Variants in PARD3B observed in about 807,000 individuals in gnomAD.
PARD3B encodes par-3 family cell polarity regulator beta.
A neutral mutation model predicts 130.2 loss-of-function variants in PARD3B; 103 were observed. The ratio of observed to expected loss-of-function variants is 0.79; its 90% CI spans 0.67 to 0.93. PARD3B has a LOEUF of 0.93. PARD3B is among the 40% of genes least tolerant of loss of function. The probability of loss-of-function intolerance (pLI) is 0.00; values close to 1 mark genes in which losing one functional copy is unlikely to be tolerated. For missense variants in PARD3B, 1,609 were observed against 1,499.2 expected (o/e 1.07, Z -1.21); for synonymous variants, 583 against 553.2 (o/e 1.05, Z -0.76).
intron 2 of PARD3B, among the ~76,000 whole-genome samples, chr2:204,722,037 C>A (rs565973117): frequency 6.6e-6 from 1 of 152,052 alleles, no homozygotes; most frequent in Non-Finnish European, 1.5e-5. Context: ...AAAAATGATA[C>A]CTCTGTTAGA....
At chr2:204,963,687 G>A (rs1311924010) in intron 2 of PARD3B, among the ~76,000 whole-genome samples, 3 of 152,032 alleles carry the variant, frequency 2.0e-5, no homozygotes, top group Admixed American at 6.6e-5. Context: ...GAAAGATATC[G>A]TTCTACTGAT....
rs1553500339 is a variant in PARD3B, at chr2:205,383,113, T to TAGATAGATAGATAGATAGATAGATAGAG, written c.2631-17873_2631-17872insGAGATAGATAGATAGATAGATAGATAGA. ...ATAGATAGATAGATAGATAGATAGA[T>TAGATAGATAGATAGATAGATAGATAGAG]AGATAGATAGATAGATAGATAGATA... is the stretch of plus-strand genomic sequence containing the variant. On this transcript the variant is annotated intron_variant, in intron 18 of 22. Coordinates refer to ENST00000406610, the MANE Select transcript of PARD3B (RefSeq NM_001302769.2). 3.1e-3 allele frequency among the ~76,000 whole-genome samples: 466 copies of TAGATAGATAGATAGATAGATAGATAGAG among 149,520 alleles called. 4 individuals carry two copies. Among genetic ancestry groups the TAGATAGATAGATAGATAGATAGATAGAG allele is most frequent in the South Asian group, 6.4e-3 (30 of 4,664 alleles).
intron 1 of PARD3B, 28 bp downstream of exon 1, chr2:204,546,147 C>T (rs1349556279): frequency 1.9e-6 from 3 of 1,549,676 alleles, no homozygotes; most frequent in East Asian, 4.9e-5. Flanking sequence ...GAGTGGGGCG[C>T]GGCTGCAGCC....
intron 20 of PARD3B, among the ~76,000 whole-genome samples, chr2:205,466,607 T>G (rs964488206): frequency 6.6e-6 from 1 of 152,228 alleles, no homozygotes; most frequent in Non-Finnish European, 1.5e-5. Flanking sequence ...TGTACCCCAT[T>G]CACTTAAGAG....
rs571469353 is a variant in PARD3B at position 204,927,294 on chromosome 2, A to T, written c.223-37858A>T. 6.6e-5 allele frequency among the ~76,000 whole-genome samples: 10 copies of T among 152,206 alleles called. No individual in the cohort carries two copies. The East Asian group carries it at 1.9e-3, about 30-fold the overall frequency. The stretch of plus-strand genomic sequence containing the variant: ...GGGGAGGTGATTAAGTCATGAGGGC[A>T]AAGCCCTCATGAATAGGATTAGTGC... On this transcript the variant is annotated intron_variant, in intron 2 of 22. Coordinates refer to ENST00000406610, the MANE Select transcript of PARD3B (RefSeq NM_001302769.2).
chr2:205,599,295 A>C (rs1210339734), intron 22 of PARD3B, among the ~76,000 whole-genome samples: 2 of 152,200 alleles, frequency 1.3e-5, no homozygotes, highest in Admixed American at 1.3e-4. Context: ...GCACATGCAA[A>C]AAGCTCTTAC....
chr2:205,334,846 A>G lies in PARD3B; in HGVS notation c.2630+33145A>G, dbSNP rs967187789. Among the ~76,000 whole-genome samples the G allele has an allele frequency of 3.3e-5, 5 of 152,246 alleles. 1 individual carries two copies. The highest frequency in any genetic ancestry group is 7.3e-5 in the Non-Finnish European group (5 of 68,040). On this transcript the variant is annotated intron_variant, in intron 18 of 22. Transcript: ENST00000406610. ...TGAAGGACAAAGCATAAGTGAGAAC[A>G]AACTACATCAAGTAATTCTTTCCTC...
rs142924852 is a variant in PARD3B, at chr2:205,033,059, C to T, written c.395-14522C>T. On this transcript the variant is annotated intron_variant, in intron 3 of 22. Transcript: ENST00000406610. Reference sequence around the variant, plus strand: ...AAAGAGCTCTTGAAGTATTCTTTTACAGGCTGTTCTCAACTCACTGGGGGC... The same window carrying T: ...AAAGAGCTCTTGAAGTATTCTTTTATAGGCTGTTCTCAACTCACTGGGGGC... Among the ~76,000 whole-genome samples the T allele has an allele frequency of 3.4e-3, 511 of 152,268 alleles. 3 individuals carry two copies. Among genetic ancestry groups the T allele is most frequent in the African/African-American group, 0.012 (478 of 41,556 alleles).
At chr2:205,193,379 C>A in intron 15 of PARD3B, 59 bp downstream of exon 15, 1 of 1,296,896 alleles carries the variant, frequency 7.7e-7, no homozygotes, top group Non-Finnish European at 1.1e-6. Flanking sequence ...ATTTATCTTC[C>A]CAAATGTCCT....
In PARD3B at chr2:205,078,676, C is replaced by G. The variant is rs980962787; in HGVS notation, c.505-25750C>G. Among the ~76,000 whole-genome samples, 1 of 152,170 alleles carries G rather than the reference C, an allele frequency of 6.6e-6. No homozygotes were observed. Among genetic ancestry groups the G allele is most frequent in the Non-Finnish European group, 1.5e-5 (1 of 68,026 alleles). ...GGTCTAATGTCCTCTCTTCTTGAAT[C>G]TGGACTGGCCCAGTGACTTAATTGA... On this transcript the variant is annotated intron_variant, in intron 4 of 22. Coordinates refer to ENST00000406610, the MANE Select transcript of PARD3B (RefSeq NM_001302769.2). This position sits in a 1 kb window ranked among gnomAD's most constrained non-coding sequence, Gnocchi z 4.0.
chr2:204,549,118 T>G (rs1480403360), intron 1 of PARD3B, among the ~76,000 whole-genome samples: 2 of 152,182 alleles, frequency 1.3e-5, no homozygotes, highest in Non-Finnish European at 2.9e-5. Context: ...TGAATCAACA[T>G]CAGATAAGGC....
At chr2:205,381,157 TA>T (rs1336992917) in intron 18 of PARD3B, among the ~76,000 whole-genome samples, 6 of 120,634 alleles carry the variant, frequency 5.0e-5, no homozygotes, top group African/African-American at 1.9e-4. Context: ...ATATATAATA[TA>T]TATAAAGAAT....
chr2:205,116,680 T>C lies in PARD3B; in HGVS notation c.681-2241T>C, dbSNP rs1170241588. Among the ~76,000 whole-genome samples, 1 of 152,138 alleles carries C rather than the reference T, an allele frequency of 6.6e-6. No individual in the cohort carries two copies. Among genetic ancestry groups the C allele is most frequent in the Non-Finnish European group, 1.5e-5 (1 of 68,018 alleles). On this transcript the variant is annotated intron_variant, in intron 6 of 22. Coordinates refer to ENST00000406610, the MANE Select transcript of PARD3B (RefSeq NM_001302769.2). This position sits in a 1 kb window ranked among gnomAD's most constrained non-coding sequence, Gnocchi z 4.5. Reference sequence around the variant, plus strand: ...TGAGGTATTGTTTTCTGAGCCTTCTTGTATTGGTCTGGATGAAATCAAACT... The same window carrying C: ...TGAGGTATTGTTTTCTGAGCCTTCTCGTATTGGTCTGGATGAAATCAAACT...
rs1325266803 is a variant in PARD3B at position 205,440,401 on chromosome 2, A to G, written c.2773A>G (p.Lys925Glu). ...AGCAAAACATCAGGAGCTAAGGGAA[A>G]AGCAGGCAAGAGGTCTTCTTGATTA... ...IGAKHQELRE[K>E]QARGLLDYAT... is the part of the protein sequence containing the mutation. The change falls in exon 20 of 23, where the codon AAG (lysine) becomes GAG (glutamate). Residue 925 changes from lysine to glutamate, a missense_variant. Transcript: ENST00000406610. The surrounding 1 kb of genome is among the most constrained non-coding windows in gnomAD (Gnocchi z 4.2). 2 of 1,613,964 alleles carry G rather than the reference A, an allele frequency of 1.2e-6. No individual in the cohort carries two copies. Among genetic ancestry groups the G allele is most frequent in the African/African-American group, 1.3e-5 (1 of 74,920 alleles).
intron 22 of PARD3B, among the ~76,000 whole-genome samples, chr2:205,586,450 G>A (rs886367865): frequency 4.6e-5 from 7 of 152,148 alleles, no homozygotes; most frequent in African/African-American, 1.7e-4. Flanking sequence ...AAAGGGTTCT[G>A]TTGGGAAGAG....
chr2:205,538,574 T>C (rs747792876), intron 21 of PARD3B, among the ~76,000 whole-genome samples: 31 of 152,318 alleles, frequency 2.0e-4, no homozygotes, highest in Admixed American at 1.7e-3. Flanking sequence ...GACACTTTCA[T>C]AAGAGAAAGT....
At chr2:205,435,928 G>A (rs2047497903) in intron 19 of PARD3B, among the ~76,000 whole-genome samples, 1 of 152,078 alleles carries the variant, frequency 6.6e-6, no homozygotes, top group Non-Finnish European at 1.5e-5. Context: ...CATTTTTGCT[G>A]CTATAACAAA....
At chr2:204,732,480 A>T (rs11892657) in intron 2 of PARD3B, among the ~76,000 whole-genome samples, 3 of 151,232 alleles carry the variant, frequency 2.0e-5, no homozygotes, top group African/African-American at 7.3e-5. Context: ...AGTGTTAATT[A>T]TTCACAAGAG....
At chr2:204,998,406 GTATATATATGTATATATGTGTA>G (rs1694496497) in intron 3 of PARD3B, among the ~76,000 whole-genome samples, 2 of 55,524 alleles carry the variant, frequency 3.6e-5, no homozygotes, top group African/African-American at 7.8e-5. Flanking sequence ...GTATATATGT[GTATATATATGTATATATGTGTA>G]TATATATGTG....
Sources: allele counts gnomAD v4.1 joint callset (sites outside exome capture counted in the v4.1 genomes callset), GRCh38; gene constraint gnomAD v4.1.1; non-coding constraint Gnocchi (gnomAD v3.1); transcripts MANE v1.5; gene names NCBI Gene and HGNC (gene_info 2026-07-23, HGNC 2026-07-21).